Variants in MED27 observed in about 807,000 individuals in gnomAD.
The protein encoded by MED27 is mediator complex subunit 27.
In MED27, 30 loss-of-function variants were observed where a neutral mutation model predicts 38.2. The ratio of observed to expected loss-of-function variants is 0.79; its 90% CI spans 0.59 to 1.07. MED27 has a LOEUF of 1.07. MED27 is among the 50% of genes least tolerant of loss of function. The pLI is 0.00. For missense variants in MED27, 289 were observed against 397.5 expected, an observed-to-expected ratio of 0.73 and a Z score of 2.32; for synonymous variants, 122 against 153.5, an observed-to-expected ratio of 0.79 and a Z score of 1.52.
intron 5 of MED27, among the ~76,000 whole-genome samples, chr9:131,892,243 T>G (rs368363775): frequency 6.6e-6 from 1 of 152,126 alleles, no homozygotes; most frequent in Non-Finnish European, 1.5e-5. Flanking sequence ...AGAGGTGTTT[T>G]GGAAGCACCA....
Position 131,878,652 on chromosome 9 carries a change from G to A in MED27, c.723+5406C>T, listed in dbSNP as rs780417588. On this transcript the variant is annotated intron_variant, in intron 6 of 7. Transcript: ENST00000292035. ...CAAGACAATGCAGTGAGTAGCTGTC[G>A]GTCTGCTCTTACTCTCCCTAAATTG... is the stretch of plus-strand genomic sequence containing the variant. Among the ~76,000 whole-genome samples, 8 of 152,190 alleles carry A rather than the reference G, an allele frequency of 5.3e-5. No homozygotes were observed. In the East Asian group the frequency reaches 1.2e-3, roughly 22 times the overall value.
Position 131,982,650 on chromosome 9 carries a change from G to C in MED27, c.479+31687C>G, listed in dbSNP as rs534440468. ...CTTGGTCCACAGCTACTGATGGGGAGGTGGATTTGAACCCAGTCGGTGGGA... is the reference window on the plus strand; with the variant it reads ...CTTGGTCCACAGCTACTGATGGGGACGTGGATTTGAACCCAGTCGGTGGGA... On this transcript the variant is annotated intron_variant, in intron 3 of 7. Coordinates refer to ENST00000292035, the MANE Select transcript of MED27 (RefSeq NM_004269.4). The surrounding 1 kb of genome is among the most constrained non-coding windows in gnomAD (Gnocchi z 4.3). Among the ~76,000 whole-genome samples the C allele has an allele frequency of 6.6e-6, 1 of 152,302 alleles. No individual in the cohort carries two copies. The highest frequency in any genetic ancestry group is 1.9e-4 in the East Asian group (1 of 5,186).
At chr9:132,050,223 AG>A (rs1833433072) in intron 2 of MED27, among the ~76,000 whole-genome samples, 4 of 152,168 alleles carry the variant, frequency 2.6e-5, no homozygotes, top group Admixed American at 2.0e-4. Context: ...TGAGGAGAAA[AG>A]TTTGTTTCAG....
intron 3 of MED27, among the ~76,000 whole-genome samples, chr9:131,943,260 TCAAA>T (rs1447318411): frequency 6.6e-6 from 1 of 152,236 alleles, no homozygotes; most frequent in Non-Finnish European, 1.5e-5. Context: ...CATTTCATTT[TCAAA>T]CAGACCCAAC....
At chr9:131,888,832 A>G (rs1307410075) in intron 5 of MED27, among the ~76,000 whole-genome samples, 1 of 152,198 alleles carries the variant, frequency 6.6e-6, no homozygotes, top group Non-Finnish European at 1.5e-5. Flanking sequence ...TCCCCAGAGA[A>G]TAAGAGTGAA....
At chr9:131,950,357 A>G (rs1414656021) in intron 3 of MED27, among the ~76,000 whole-genome samples, 2 of 152,192 alleles carry the variant, frequency 1.3e-5, no homozygotes, top group African/African-American at 4.8e-5. Context: ...GGAGCTGGCG[A>G]GGGCAGATGA....
At chr9:132,044,007 T>C (rs1329445160) in intron 2 of MED27, among the ~76,000 whole-genome samples, 2 of 152,238 alleles carry the variant, frequency 1.3e-5, no homozygotes, top group Non-Finnish European at 2.9e-5. Context: ...TGATCTTTGC[T>C]ATATTCTCCA....
intron 3 of MED27, among the ~76,000 whole-genome samples, chr9:131,963,471 A>G (rs139477844): frequency 5.0e-4 from 76 of 152,148 alleles, no homozygotes; most frequent in African/African-American, 1.8e-3. Context: ...GGAGACACCT[A>G]TATCATGGCA....
intron 6 of MED27, among the ~76,000 whole-genome samples, chr9:131,880,353 G>A (rs1839014785): frequency 6.6e-6 from 1 of 152,144 alleles, no homozygotes; most frequent in South Asian, 2.1e-4. Flanking sequence ...GGAAGAGAGA[G>A]GACTCACTAA....
At chr9:131,875,397 A>C (rs964456306) in intron 6 of MED27, among the ~76,000 whole-genome samples, 1 of 152,166 alleles carries the variant, frequency 6.6e-6, no homozygotes, top group African/African-American at 2.4e-5. Context: ...TACACACGAC[A>C]GCTGGGCACA....
At chr9:132,056,974 T>C (rs912762518) in intron 2 of MED27, among the ~76,000 whole-genome samples, 1 of 152,160 alleles carries the variant, frequency 6.6e-6, no homozygotes, top group Non-Finnish European at 1.5e-5. Context: ...CAAAGCCTGA[T>C]AGAGACTCAT....
At chr9:131,927,822 G>A (rs1349581052) in intron 4 of MED27, among the ~76,000 whole-genome samples, 1 of 152,114 alleles carries the variant, frequency 6.6e-6, no homozygotes, top group Non-Finnish European at 1.5e-5. Context: ...AGAAACTGTC[G>A]ATGATGGACT....
At chr9:131,928,899 G>A (rs529161435) in intron 4 of MED27, among the ~76,000 whole-genome samples, 50 of 152,348 alleles carry the variant, frequency 3.3e-4, no homozygotes, top group Middle Eastern at 3.4e-3. Flanking sequence ...GGTGGCTAAG[G>A]GAGTGCTTGC....
At chr9:131,945,650 T>TTAAA (rs1474107413) in intron 3 of MED27, among the ~76,000 whole-genome samples, 1 of 152,072 alleles carries the variant, frequency 6.6e-6, no homozygotes, top group Non-Finnish European at 1.5e-5. Context: ...GAGTTCAACT[T>TTAAA]TTTTAGATTC....
chr9:132,070,826 C>G (rs551119694), intron 2 of MED27, among the ~76,000 whole-genome samples: 1 of 152,012 alleles, frequency 6.6e-6, no homozygotes, highest in African/African-American at 2.4e-5. Flanking sequence ...AGTCCCTTAC[C>G]TCCACCCCCA....
At chr9:132,002,682 C>A (rs935410998) in intron 3 of MED27, among the ~76,000 whole-genome samples, 5 of 152,168 alleles carry the variant, frequency 3.3e-5, no homozygotes, top group African/African-American at 1.2e-4. Context: ...GAGGCTGAGG[C>A]AAGCGGATCA....
chr9:131,884,134 G>C, intron 5 of MED27, 35 bp from the exon 6 acceptor site: 1 of 1,559,720 alleles, frequency 6.4e-7, no homozygotes, highest in East Asian at 2.3e-5. Flanking sequence ...ATCAGCATCG[G>C]TCTTAGAATT....
chr9:131,979,814 T>A (rs1289532863), intron 3 of MED27, among the ~76,000 whole-genome samples: 3 of 136,100 alleles, frequency 2.2e-5, no homozygotes, highest in Non-Finnish European at 4.8e-5. Context: ...CCTTGTAGAG[T>A]GGCACCTGAA....
chr9:131,983,862 C>T (rs1466384233), intron 3 of MED27, among the ~76,000 whole-genome samples: 2 of 152,176 alleles, frequency 1.3e-5, no homozygotes, highest in Non-Finnish European at 2.9e-5. Flanking sequence ...CTATTGTTTA[C>T]ATTACACAAC....
Sources: allele counts gnomAD v4.1 joint callset (sites outside exome capture counted in the v4.1 genomes callset), GRCh38; gene constraint gnomAD v4.1.1; non-coding constraint Gnocchi (gnomAD v3.1); transcripts MANE v1.5; gene names NCBI Gene and HGNC (gene_info 2026-07-23, HGNC 2026-07-21).